SDR42E2: variants seen among roughly 807,000 people sequenced by gnomAD.
The protein encoded by SDR42E2 is short chain dehydrogenase/reductase family 42E, member 2, also known as putative short-chain dehydrogenase/reductase family 42E member 2.
In SDR42E2, 20 loss-of-function variants were observed where a neutral mutation model predicts 10.5. That is an observed-to-expected ratio of 1.90 (90% CI 1.34 to 2.77). The LOEUF (loss-of-function observed/expected upper bound fraction) is 2.77, where lower values mean the gene tolerates loss of function less well. SDR42E2 is among the 30% of genes most tolerant of loss of function. SDR42E2 has a pLI of 0.00. For missense variants in SDR42E2, 162 were observed against 104.2 expected, an observed-to-expected ratio of 1.55 and a Z score of -2.42; for synonymous variants, 72 against 39.2, an observed-to-expected ratio of 1.84 and a Z score of -3.12.
In SDR42E2 at chr16:22,172,240, T is replaced by A. The variant is rs1567239633; in HGVS notation, c.514-16T>A. The A allele has an allele frequency of 1.4e-6, 1 of 703,064 alleles. No individual in the cohort carries two copies. The allele number at this position is 703,064 out of a possible 1,614,324, so 43.6% of individuals were successfully genotyped here. On this transcript the variant is annotated splice_polypyrimidine_tract_variant and intron_variant, in intron 6 of 12. Coordinates refer to ENST00000602312, the MANE Select transcript of SDR42E2 (RefSeq NM_001394319.2). The stretch of plus-strand genomic sequence containing the variant: ...TGACCCTCTCTGGTGGTTCTGTTTT[T>A]CCTGGCCTCTGGCAGCACGTAGACC...
intron 4 of SDR42E2, 28 bp from the exon 5 acceptor site, chr16:22,169,417 T>G (rs185256361): frequency 1.4e-6 from 1 of 703,386 alleles, no homozygotes; most frequent in Non-Finnish European, 2.6e-6. Flanking sequence ...GGTAGCACCA[T>G]GACTTTCTCA....
chr16:22,179,694 TC>T (rs1247477285), intron 8 of SDR42E2, among the ~76,000 whole-genome samples: 1 of 151,358 alleles, frequency 6.6e-6, no homozygotes, highest in African/African-American at 2.4e-5. Context: ...GCACCTGTAA[TC>T]CCAGATACGC....
chr16:22,167,165 ATTTTTTTTTTTTTTTTTTTTTTTT>A (rs534502295), intron 4 of SDR42E2, among the ~76,000 whole-genome samples, 166 bp downstream of exon 4: 1 of 37,722 alleles, frequency 2.7e-5, no homozygotes, highest in African/African-American at 1.5e-4. Context: ...CAGTTCTGCC[ATTTTTTTTTTTTTTTTTTTTTTTT>A]TTTTTTTTTT....
rs1368740139 is a variant in SDR42E2 at position 22,170,793 on chromosome 16, G to A, written c.395-40G>A. 4 of 702,758 alleles carry A rather than the reference G, an allele frequency of 5.7e-6. No individual in the cohort carries two copies. The East Asian group carries it at 1.1e-4, about 19-fold the overall frequency. 43.5% of individuals were successfully genotyped at this position (702,758 alleles called of 1,614,324 possible). A position where few individuals can be genotyped will look rare whatever the true frequency, so the allele number is the denominator to read the frequency against. On this transcript the variant is annotated intron_variant, in intron 5 of 12. Transcript: ENST00000602312. ...TGTGTGTCTGTGTCTTTGCATGTGTGTGTGTGTTTATTTGTTGCTATGTGC... is the reference window on the plus strand; with the variant it reads ...TGTGTGTCTGTGTCTTTGCATGTGTATGTGTGTTTATTTGTTGCTATGTGC...
At chr16:22,181,923 ATT>A (rs1420288486) in intron 9 of SDR42E2, among the ~76,000 whole-genome samples, 1 of 152,166 alleles carries the variant, frequency 6.6e-6, no homozygotes, top group African/African-American at 2.4e-5. Flanking sequence ...CTCCACACAT[ATT>A]GTCGCATTTA....
At chr16:22,180,164 C>T (rs1295516898) in intron 8 of SDR42E2, among the ~76,000 whole-genome samples, 1 of 152,160 alleles carries the variant, frequency 6.6e-6, no homozygotes, top group Non-Finnish European at 1.5e-5. Context: ...GTCAGGACTT[C>T]AGCTTCCAGC....
At position 22,163,795 on chromosome 16, in the gene SDR42E2, C is replaced by G. The variant is rs562692878; in HGVS notation, c.-37+1231C>G. Among the ~76,000 whole-genome samples, 38 of 152,202 alleles carry G rather than the reference C, an allele frequency of 2.5e-4. No individual in the cohort carries two copies. In the South Asian group the frequency reaches 7.9e-3, roughly 32 times the overall value. On this transcript the variant is annotated intron_variant, in intron 1 of 12. Transcript: ENST00000602312. ...AGACATTTGGTGAGCAGGGCAGTAA[C>G]AGAGGAAATTAAAAATACAGCCCCT...
chr16:22,184,176 T>G lies in SDR42E2; in HGVS notation c.877-5T>G, dbSNP rs2046719155. 2 of 401,216 alleles carry G rather than the reference T, an allele frequency of 5.0e-6. No homozygotes were observed. Among genetic ancestry groups the G allele is most frequent in the Non-Finnish European group, 8.8e-6 (2 of 226,336 alleles). 24.9% of individuals were successfully genotyped at this position (401,216 alleles called of 1,614,324 possible). ...GTTCTCACTCCAGGTCGTGTTTCTT[T>G]GCAGTTTGAGAAGCTGGGGTACAGC... is the stretch of plus-strand genomic sequence containing the variant. On this transcript the variant is annotated splice_polypyrimidine_tract_variant and splice_region_variant and intron_variant, in intron 10 of 12. Coordinates refer to ENST00000602312, the MANE Select transcript of SDR42E2 (RefSeq NM_001394319.2).
rs1567242483 is a variant in SDR42E2, at chr16:22,178,416, G to A, written c.672+204G>A. Among the ~76,000 whole-genome samples, 3 of 152,320 alleles carry A rather than the reference G, an allele frequency of 2.0e-5. No individual in the cohort carries two copies. In the South Asian group the frequency reaches 6.2e-4, roughly 32 times the overall value. On this transcript the variant is annotated intron_variant, in intron 8 of 12. Transcript: ENST00000602312. Reference sequence around the variant, plus strand: ...TCCTGGCAGGAACAGAGCTCTCAGAGTGTACCAGCCAAGCCAAGGCACGGG... The same window carrying A: ...TCCTGGCAGGAACAGAGCTCTCAGAATGTACCAGCCAAGCCAAGGCACGGG...
Position 22,175,490 on chromosome 16 carries a change from G to A in SDR42E2, c.590-2640G>A, listed in dbSNP as rs1030183520. Among the ~76,000 whole-genome samples, 27 of 151,442 alleles carry A rather than the reference G, an allele frequency of 1.8e-4. 1 individual carries two copies. The highest frequency in any genetic ancestry group is 6.1e-4 in the African/African-American group (25 of 41,188). ...CCTGGAGGCCAGAGTCTGAAATCAA[G>A]GTGTCTGCTGGGCTGTACTCCCAGA... On this transcript the variant is annotated intron_variant, in intron 7 of 12. Transcript: ENST00000602312.
intron 3 of SDR42E2, 59 bp from the exon 4 acceptor site, chr16:22,166,845 T>G (rs911495672): frequency 3.6e-6 from 2 of 550,652 alleles, no homozygotes; most frequent in Admixed American, 2.6e-5. Flanking sequence ...GGTGCAGAGG[T>G]GTTATCTCTT....
chr16:22,171,921 T>C (rs765558997), intron 6 of SDR42E2, among the ~76,000 whole-genome samples: 5 of 152,178 alleles, frequency 3.3e-5, no homozygotes, highest in African/African-American at 7.2e-5. Flanking sequence ...GAAAATGCCA[T>C]GTGAACACAA....
rs1462056214 is a variant in SDR42E2 at position 22,166,940 on chromosome 16, T to G, written c.277T>G (p.Phe93Val). Residue 93 changes from phenylalanine to valine, a missense_variant, in exon 4 of 13, where the codon TTC becomes GTC. Coordinates refer to ENST00000602312, the MANE Select transcript of SDR42E2 (RefSeq NM_001394319.2). ...AGATGAAGAAGCCCTGTACCGTGCC[T>G]TCGAAGGGGTGGACTGTGTCTTCCA... The part of the protein sequence containing the change: ...VRDEEALYRA[F>V]EGVDCVFHVA... 2 of 701,288 alleles carry G rather than the reference T, an allele frequency of 2.9e-6. No homozygotes were observed. Among genetic ancestry groups the G allele is most frequent in the Non-Finnish European group, 2.6e-6 (1 of 383,852 alleles). The allele number at this position is 701,288 out of a possible 1,614,324, so 43.4% of individuals were successfully genotyped here.
intron 7 of SDR42E2, among the ~76,000 whole-genome samples, chr16:22,176,698 C>T (rs2046647401): frequency 6.6e-6 from 1 of 152,222 alleles, no homozygotes; most frequent in African/African-American, 2.4e-5. Flanking sequence ...GCTGGGATTA[C>T]AGGCGTGAGC....
At chr16:22,171,178 T>A (rs1345863824) in intron 6 of SDR42E2, among the ~76,000 whole-genome samples, 1 of 152,204 alleles carries the variant, frequency 6.6e-6, no homozygotes, top group African/African-American at 2.4e-5. Flanking sequence ...GGCCGCATTC[T>A]ACCCATGTGA....
In SDR42E2 at chr16:22,166,933, C is replaced by G; in HGVS notation, c.270C>G (p.Tyr90Ter). 2 of 700,728 alleles carry G rather than the reference C, an allele frequency of 2.9e-6. No homozygotes were observed. The highest frequency in any genetic ancestry group is 2.7e-5 in the East Asian group (1 of 37,234). 43.4% of individuals were successfully genotyped at this position (700,728 alleles called of 1,614,324 possible). A position where few individuals can be genotyped will look rare whatever the true frequency, so the allele number is the denominator to read the frequency against. ...ATGTCCGAGATGAAGAAGCCCTGTA[C>G]CGTGCCTTCGAAGGGGTGGACTGTG... ...QADVRDEEAL[Y>*]RAFEGVDCVF... Residue 90 changes from tyrosine to a stop codon, truncating the protein, a stop_gained, in exon 4 of 13, where the codon TAC becomes TAG. Transcript: ENST00000602312. LOFTEE classifies it high-confidence loss of function.
intron 12 of SDR42E2, among the ~76,000 whole-genome samples, chr16:22,188,094 T>TAA (rs58432279): frequency 5.9e-4 from 82 of 139,162 alleles, no homozygotes; most frequent in East Asian, 2.4e-3. Context: ...AGACTCCATC[T>TAA]AAAAAAAAAA....
chr16:22,174,097 C>G (rs943372639), intron 7 of SDR42E2, among the ~76,000 whole-genome samples: 2 of 151,542 alleles, frequency 1.3e-5, no homozygotes, highest in African/African-American at 4.8e-5. Context: ...CTTTGGGAGG[C>G]TGAGGCGGGC....
At chr16:22,178,283 T>TAGGG (rs2046662890) in intron 8 of SDR42E2, 71 bp downstream of exon 8, 1 of 666,280 alleles carries the variant, frequency 1.5e-6, no homozygotes, top group Non-Finnish European at 2.7e-6. Flanking sequence ...GGTCGGGCCC[T>TAGGG]CCCAGCCCCT....
Sources: gnomAD v4.1 joint callset for allele counts (sites outside exome capture counted in the v4.1 genomes callset) on GRCh38, gnomAD v4.1.1 for gene constraint, MANE v1.5 for transcripts, NCBI Gene and HGNC (gene_info 2026-07-23, HGNC 2026-07-21) for gene names.